Variants in PLCL1 observed in about 807,000 individuals in gnomAD.
PLCL1 encodes the protein phospholipase C like 1 (inactive), also known as inactive phospholipase C-like protein 1.
Under a neutral mutation model 84.4 loss-of-function variants are expected in PLCL1, and 41 were observed. That is an observed-to-expected ratio of 0.49 (90% CI 0.38 to 0.63). The LOEUF is 0.63. Among genes scored for constraint, PLCL1 ranks in the 30% least tolerant of loss-of-function variants. PLCL1 has a pLI of 0.00. For synonymous variants in PLCL1, 490 were observed against 488.3 expected, an observed-to-expected ratio of 1.00 and a Z score of -0.05; for missense variants, 1,206 against 1,367.8, an observed-to-expected ratio of 0.88 and a Z score of 1.87.
At chr2:198,145,232 G>A (rs1694491551) in intron 5 of PLCL1, among the ~76,000 whole-genome samples, 1 of 152,034 alleles carries the variant, frequency 6.6e-6, no homozygotes, top group Admixed American at 6.6e-5. Flanking sequence ...GTTTTGTTGA[G>A]CAGACTCATT....
chr2:198,060,415 G>A (rs193066070), intron 1 of PLCL1, among the ~76,000 whole-genome samples: 161 of 152,294 alleles, frequency 1.1e-3, no homozygotes, highest in African/African-American at 3.8e-3. Context: ...AAACTCCTGG[G>A]TGTGGAGAGT....
chr2:198,077,190 A>G (rs1397210925), intron 1 of PLCL1, among the ~76,000 whole-genome samples: 1 of 151,380 alleles, frequency 6.6e-6, no homozygotes, highest in African/African-American at 2.4e-5. Context: ...GGAACCCTTT[A>G]CTCTCAGTCT....
Position 197,919,923 on chromosome 2 carries a change from C to T in PLCL1, c.240+114584C>T, listed in dbSNP as rs147703081. Among the ~76,000 whole-genome samples, 335 of 152,304 alleles carry T rather than the reference C, an allele frequency of 2.2e-3. 3 individuals are homozygous for T. Among genetic ancestry groups the T allele is most frequent in the African/African-American group, 7.5e-3 (312 of 41,574 alleles). ...ATTGCTTGGGTTTGAATCCTGGCTA[C>T]ACACCATTTACTAGTTGTGTGATCT... On this transcript the variant is annotated intron_variant, in intron 1 of 5. Transcript: ENST00000428675.
At chr2:197,854,706 A>G (rs1270989025) in intron 1 of PLCL1, among the ~76,000 whole-genome samples, 1 of 152,152 alleles carries the variant, frequency 6.6e-6, no homozygotes, top group Non-Finnish European at 1.5e-5. Flanking sequence ...AGGTAAGTTT[A>G]TTTTTAAGCA....
chr2:197,992,933 C>T (rs1401158833), intron 1 of PLCL1, among the ~76,000 whole-genome samples: 2 of 152,134 alleles, frequency 1.3e-5, no homozygotes, highest in Non-Finnish European at 2.9e-5. Context: ...TGGGTTACTT[C>T]CATCTTTTAG....
At chr2:197,858,461 C>T (rs138878476) in intron 1 of PLCL1, among the ~76,000 whole-genome samples, 5 of 152,176 alleles carry the variant, frequency 3.3e-5, no homozygotes, top group African/African-American at 7.2e-5. Flanking sequence ...CTCCCTTATG[C>T]GGGGTGGTAC....
chr2:197,819,064 C>A (rs1162430701), intron 1 of PLCL1, among the ~76,000 whole-genome samples: 2 of 152,096 alleles, frequency 1.3e-5, no homozygotes, highest in South Asian at 4.1e-4. Flanking sequence ...CCTTTGGATG[C>A]CTGCCTCACA....
Position 198,107,247 on chromosome 2 carries a change from G to A in PLCL1, c.3105+3311G>A, listed in dbSNP as rs143530781. 6.8e-3 allele frequency among the ~76,000 whole-genome samples: 1,032 copies of A among 151,966 alleles called. 12 individuals carry two copies. The highest frequency in any genetic ancestry group is 0.023 in the African/African-American group (945 of 41,510). On this transcript the variant is annotated intron_variant, in intron 5 of 5. Transcript: ENST00000428675. ...GAACTCACTCACTATTATGAAAACAGCATGAGGATAACCTCCCTTATGATT... is the reference window on the plus strand; with the variant it reads ...GAACTCACTCACTATTATGAAAACAACATGAGGATAACCTCCCTTATGATT...
chr2:197,897,148 TTC>T (rs1285039031), intron 1 of PLCL1, among the ~76,000 whole-genome samples: 22 of 31,660 alleles, frequency 6.9e-4, no homozygotes, highest in African/African-American at 3.9e-3. Flanking sequence ...CTTCTTCTTC[TTC>T]TTCTTCTTCT....
At chr2:198,122,955 A>T (rs1464594996) in intron 5 of PLCL1, among the ~76,000 whole-genome samples, 1 of 152,082 alleles carries the variant, frequency 6.6e-6, no homozygotes, top group Admixed American at 6.6e-5. Context: ...AAGGTTAGCT[A>T]ATAGCTAATG....
chr2:198,069,197 G>A (rs1163481546), intron 1 of PLCL1, among the ~76,000 whole-genome samples: 2 of 150,116 alleles, frequency 1.3e-5, no homozygotes, highest in African/African-American at 4.9e-5. Flanking sequence ...AACACACAAG[G>A]ATATGCACCA....
intron 1 of PLCL1, among the ~76,000 whole-genome samples, chr2:197,819,832 ATCAT>A (rs1214614674): frequency 1.3e-5 from 2 of 151,874 alleles, no homozygotes; most frequent in Non-Finnish European, 2.9e-5. Context: ...ACATGTAGCT[ATCAT>A]TATCACTTCC....
intron 5 of PLCL1, among the ~76,000 whole-genome samples, chr2:198,106,478 G>A (rs184845930): frequency 3.3e-5 from 5 of 151,976 alleles, no homozygotes; most frequent in Admixed American, 6.6e-5. Context: ...AAGGAGCAGG[G>A]ATGACCTAGA....
At chr2:197,957,313 A>G (rs1045365303) in intron 1 of PLCL1, among the ~76,000 whole-genome samples, 6 of 152,044 alleles carry the variant, frequency 3.9e-5, no homozygotes, top group Non-Finnish European at 7.4e-5. Context: ...TTTTTGAGGC[A>G]GAGGCCATGT....
intron 1 of PLCL1, among the ~76,000 whole-genome samples, chr2:197,971,562 A>G (rs1031034741): frequency 1.3e-5 from 2 of 152,210 alleles, no homozygotes; most frequent in African/African-American, 4.8e-5. Flanking sequence ...GAAGGGGAAG[A>G]TAGATACTCT....
At chr2:198,075,755 CTAAT>C (rs1692563717) in intron 1 of PLCL1, among the ~76,000 whole-genome samples, 1 of 152,142 alleles carries the variant, frequency 6.6e-6, no homozygotes, top group African/African-American at 2.4e-5. Flanking sequence ...ACATTTTGCT[CTAAT>C]TATTAAATTT....
At chr2:198,109,083 T>C (rs541946759) in intron 5 of PLCL1, among the ~76,000 whole-genome samples, 2 of 152,018 alleles carry the variant, frequency 1.3e-5, no homozygotes, top group South Asian at 2.1e-4. Context: ...TGTGCTGATA[T>C]AATAAAATAC....
intron 1 of PLCL1, among the ~76,000 whole-genome samples, chr2:197,922,700 C>T (rs1227347611): frequency 2.4e-5 from 3 of 123,146 alleles, no homozygotes; most frequent in Non-Finnish European, 5.3e-5. Flanking sequence ...GGCAGAGGGG[C>T]TCCTCACTTC....
chr2:198,027,317 G>A (rs1415498651), intron 1 of PLCL1, among the ~76,000 whole-genome samples: 1 of 152,168 alleles, frequency 6.6e-6, no homozygotes, highest in Non-Finnish European at 1.5e-5. Flanking sequence ...TCTCATGGAA[G>A]CAAAGACTAG....
Sources: gnomAD v4.1 joint callset for allele counts (sites outside exome capture counted in the v4.1 genomes callset) on GRCh38, gnomAD v4.1.1 for gene constraint, MANE v1.5 for transcripts, NCBI Gene and HGNC (gene_info 2026-07-23, HGNC 2026-07-21) for gene names.